The following PLCB1 variants were observed in gnomAD, a reference collection of about 807,000 sequenced individuals.
The protein encoded by PLCB1 is phospholipase C beta 1.
Under a neutral mutation model 161.8 loss-of-function variants are expected in PLCB1, and 46 were observed. The observed-to-expected ratio is 0.28, with a 90% CI of 0.22 to 0.36. PLCB1 has a LOEUF of 0.36. Among genes scored for constraint, PLCB1 ranks in the 10% least tolerant of loss-of-function variants. PLCB1 has a pLI of 1.00. For synonymous variants in PLCB1, 517 were observed against 503.7 expected (o/e 1.03, Z -0.35); for missense variants, 1,016 against 1,472.5 (o/e 0.69, Z 5.07).
intron 3 of PLCB1, among the ~76,000 whole-genome samples, chr20:8,443,232 G>T (rs1286032208): frequency 6.6e-6 from 1 of 152,006 alleles, no homozygotes; most frequent in Non-Finnish European, 1.5e-5. Context: ...TGCCCGCCTT[G>T]GCCTCCTGAA....
At chr20:8,455,726 T>C (rs6055829) in intron 3 of PLCB1, among the ~76,000 whole-genome samples, 2,885 of 152,246 alleles carry the variant, frequency 0.019, 101 homozygotes, top group African/African-American at 0.066. Flanking sequence ...TAGTCTTTTT[T>C]AGTTCTGTGG....
rs1449816296 is a variant in PLCB1 at position 8,523,396 on chromosome 20, ATATG to A, written c.247-104896_247-104893del. Among the ~76,000 whole-genome samples the A allele has an allele frequency of 1.6e-4, 10 of 61,248 alleles. No individual in the cohort carries two copies. In the South Asian group the frequency reaches 4.0e-3, roughly 24 times the overall value. The allele number at this position is 61,248 out of a possible 152,430, so 40.2% of individuals were successfully genotyped here. Reference sequence around the variant, plus strand: ...TTGCAAATGATCCTGATCATAACAAATATGTGTGTGTGTGTGTGTGTGTGTGTGT... The same window carrying A: ...TTGCAAATGATCCTGATCATAACAAATGTGTGTGTGTGTGTGTGTGTGTGT... On this transcript the variant is annotated intron_variant, in intron 3 of 31. Transcript: ENST00000338037.
intron 31 of PLCB1, among the ~76,000 whole-genome samples, chr20:8,823,932 T>A (rs61498846): frequency 0.026 from 4,008 of 151,990 alleles, 168 homozygotes; most frequent in African/African-American, 0.092. Flanking sequence ...TTAGGTTCCT[T>A]AACATTTACT....
At chr20:8,148,283 A>G (rs2051474945) in intron 1 of PLCB1, among the ~76,000 whole-genome samples, 1 of 152,224 alleles carries the variant, frequency 6.6e-6, no homozygotes, top group Non-Finnish European at 1.5e-5. Flanking sequence ...GCTGTTATGC[A>G]TGCAATCTCA....
chr20:8,628,602 G>C, intron 4 of PLCB1, 171 bp downstream of exon 4: 1 of 633,932 alleles, frequency 1.6e-6, no homozygotes, highest in Non-Finnish European at 2.7e-6. Flanking sequence ...TCTAAATAAT[G>C]GCATCAACTT....
chr20:8,371,178 G>A (rs1367477466), intron 2 of PLCB1: 1 of 533,268 alleles, frequency 1.9e-6, no homozygotes, highest in Non-Finnish European at 3.3e-6. Flanking sequence ...CTTTCAAAAT[G>A]TATAACTGAG....
chr20:8,879,366 G>GT (rs1489094567), intron 31 of PLCB1, among the ~76,000 whole-genome samples: 1 of 151,236 alleles, frequency 6.6e-6, no homozygotes, highest in Non-Finnish European at 1.5e-5. Context: ...GGGGCCTGTT[G>GT]TTTTTCAGAA....
chr20:8,466,939 T>C (rs2122704001), intron 3 of PLCB1, among the ~76,000 whole-genome samples: 1 of 152,230 alleles, frequency 6.6e-6, no homozygotes, highest in African/African-American at 2.4e-5. Context: ...ATACTTTCTC[T>C]TTCTTTTCTT....
chr20:8,858,829 T>A (rs1987152823), intron 31 of PLCB1, among the ~76,000 whole-genome samples: 1 of 150,648 alleles, frequency 6.6e-6, no homozygotes. Context: ...TAAAAAGGGG[T>A]TCAGTAGACA....
intron 3 of PLCB1, among the ~76,000 whole-genome samples, chr20:8,549,735 CT>C (rs150535766): frequency 2.0e-5 from 3 of 152,200 alleles, no homozygotes; most frequent in Non-Finnish European, 4.4e-5. Flanking sequence ...CAATGCCTGG[CT>C]AACTTTTGTA....
intron 10 of PLCB1, among the ~76,000 whole-genome samples, chr20:8,693,843 G>A (rs1284933818): frequency 1.3e-5 from 2 of 152,184 alleles, no homozygotes; most frequent in African/African-American, 4.8e-5. Flanking sequence ...ATGCACTCAA[G>A]TGAGAAGTTG....
At chr20:8,731,478 TTTCAC>T (rs1980243381) in intron 18 of PLCB1, among the ~76,000 whole-genome samples, 1 of 151,972 alleles carries the variant, frequency 6.6e-6, no homozygotes, top group South Asian at 2.1e-4. Context: ...CTAATATAAG[TTTCAC>T]TGTTGTGATA....
chr20:8,882,756 A>AT lies in PLCB1; in HGVS notation c.*913dup, dbSNP rs2146338887. 6.6e-6 allele frequency: 1 copy of AT among 152,282 alleles called. No individual in the cohort carries two copies. The highest frequency in any genetic ancestry group is 2.1e-4 in the South Asian group (1 of 4,820). The allele number at this position is 152,282 out of a possible 1,614,324, so 9.4% of individuals were successfully genotyped here. On this transcript the variant is annotated 3_prime_UTR_variant, in exon 32 of 32. Coordinates refer to ENST00000338037, the MANE Select transcript of PLCB1 (RefSeq NM_015192.4). The stretch of plus-strand genomic sequence containing the variant: ...TCCGGTGGTTATTTTGCCGTTTGAC[A>AT]TTTTTTATGGTTCATTTATTTTTAA...
chr20:8,149,066 T>C (rs540295313), intron 1 of PLCB1, among the ~76,000 whole-genome samples: 3 of 152,346 alleles, frequency 2.0e-5, no homozygotes, highest in South Asian at 2.1e-4. Context: ...AGAGTAAATG[T>C]TATGTTCTGT....
chr20:8,841,057 C>T (rs6056201), intron 31 of PLCB1, among the ~76,000 whole-genome samples: 8,552 of 152,194 alleles, frequency 0.056, 335 homozygotes, highest in African/African-American at 0.11. Flanking sequence ...AAGCTGGTCT[C>T]GAACTCCTGA....
chr20:8,798,923 A>G (rs1387035555), intron 31 of PLCB1, among the ~76,000 whole-genome samples: 2 of 152,184 alleles, frequency 1.3e-5, no homozygotes, highest in Non-Finnish European at 1.5e-5. Context: ...CTCTTGAAAA[A>G]TTAGATTCTA....
intron 2 of PLCB1, chr20:8,248,783 A>T (rs1165105585): frequency 6.6e-6 from 1 of 151,944 alleles, no homozygotes; most frequent in Non-Finnish European, 1.5e-5. Flanking sequence ...CACAATCTGA[A>T]TGTGGCTGTG....
chr20:8,383,052 G>A (rs984189643), intron 3 of PLCB1, among the ~76,000 whole-genome samples: 10 of 152,100 alleles, frequency 6.6e-5, no homozygotes, highest in East Asian at 1.9e-4. Context: ...GTTAGGTCCC[G>A]TTGATCCAGA....
At chr20:8,583,353 T>C (rs989653837) in intron 3 of PLCB1, among the ~76,000 whole-genome samples, 4 of 152,228 alleles carry the variant, frequency 2.6e-5, no homozygotes, top group African/African-American at 9.6e-5. Context: ...TAAATTCTTA[T>C]GTTATTTCTA....
Sources: allele counts gnomAD v4.1 joint callset (sites outside exome capture counted in the v4.1 genomes callset), GRCh38; gene constraint gnomAD v4.1.1; transcripts MANE v1.5; gene names NCBI Gene and HGNC (gene_info 2026-07-23, HGNC 2026-07-21).